The following ANKHD1 variants were observed in gnomAD, a reference collection of about 807,000 sequenced individuals.
ANKHD1 encodes the protein ankyrin repeat and KH domain containing 1.
In ANKHD1, 31 loss-of-function variants were observed where a neutral mutation model predicts 230.5. The observed-to-expected ratio is 0.13, with a 90% CI of 0.10 to 0.18. ANKHD1 has a LOEUF of 0.18. Ranked by LOEUF, ANKHD1 falls within the 10% of genes least tolerant of loss-of-function variation. The pLI is 1.00. For missense variants in ANKHD1, 2,256 were observed against 3,071.3 expected, an observed-to-expected ratio of 0.73 and a Z score of 6.27; for synonymous variants, 1,074 against 1,117.6, an observed-to-expected ratio of 0.96 and a Z score of 0.78.
intron 1 of ANKHD1, 31 bp downstream of exon 1, chr5:140,402,304 A>G: frequency 1.4e-6 from 2 of 1,438,896 alleles, no homozygotes; most frequent in Non-Finnish European, 1.8e-6. Context: ...CCTCCCACAC[A>G]TTGTGAGGCG....
rs138334602 is a variant in ANKHD1, at chr5:140,526,929, C to T, written c.4942C>T (p.Leu1648Phe). The T allele has an allele frequency of 3.1e-6, 5 of 1,608,456 alleles. No homozygotes were observed. The African/African-American group carries it at 5.4e-5, about 17-fold the overall frequency. Residue 1648 changes from leucine to phenylalanine, a missense_variant and splice_region_variant, in exon 27 of 34, where the codon CTT (leucine) becomes TTT (phenylalanine). Leu to Phe is a conservative substitution (Grantham distance 22, BLOSUM62 0). Around this residue, in one of 13 missense-constraint regions of ANKHD1, gnomAD observed 212 missense variants for 257.3 expected, o/e 0.82. Transcript: ENST00000360839. Reference protein sequence around the residue: ...STATSKTQTRLEGEVTPNSLS... With the variant: ...STATSKTQTRFEGEVTPNSLS... ...TACTTGCTATTTGTCTCTTCTTAGA[C>T]TTGAAGGTGAAGTGACTCCTAATTC...
intron 4 of ANKHD1, among the ~76,000 whole-genome samples, chr5:140,440,751 T>G (rs531053406): frequency 6.6e-6 from 1 of 152,334 alleles, no homozygotes; most frequent in East Asian, 1.9e-4. Flanking sequence ...AGCCATCACA[T>G]TTTATAATAG....
At chr5:140,472,267 T>G (rs763778885) in intron 10 of ANKHD1, 7 of 1,613,638 alleles carry the variant, frequency 4.3e-6, no homozygotes, top group Non-Finnish European at 5.9e-6. Flanking sequence ...AAGACTATTT[T>G]GGAGGGCATA....
At position 140,482,571 on chromosome 5, in the gene ANKHD1, C is replaced by CT; in HGVS notation, c.1783-6dup. ...CATTGATGGATTATTTTTTCCATTT[C>CT]TTTAACAGGAACATGAATCTGAAGG... is the stretch of plus-strand genomic sequence containing the variant. On this transcript the variant is annotated splice_polypyrimidine_tract_variant and intron_variant, in intron 10 of 33. Transcript: ENST00000360839. 1 of 1,608,944 alleles carries CT rather than the reference C, an allele frequency of 6.2e-7. No individual in the cohort carries two copies. The highest frequency in any genetic ancestry group is 8.5e-7 in the Non-Finnish European group (1 of 1,178,112).
At chr5:140,533,744 C>G (rs1003798239) in intron 29 of ANKHD1, among the ~76,000 whole-genome samples, 10 of 132,512 alleles carry the variant, frequency 7.5e-5, no homozygotes, top group Non-Finnish European at 1.5e-4. Flanking sequence ...CTGCTGCACT[C>G]TAGCCTGAGT....
At chr5:140,518,505 A>C (rs1396915564) in intron 24 of ANKHD1, among the ~76,000 whole-genome samples, 4 of 150,168 alleles carry the variant, frequency 2.7e-5, no homozygotes, top group Non-Finnish European at 6.0e-5. Context: ...TTTTAGACCA[A>C]TATCCTTGAT....
At chr5:140,503,127 T>C (rs114727286) in intron 15 of ANKHD1, among the ~76,000 whole-genome samples, 2,452 of 152,310 alleles carry the variant, frequency 0.016, 44 homozygotes, top group Non-Finnish European at 0.022. Context: ...AGAGAAAATA[T>C]TTTCCAACAC....
In ANKHD1 at chr5:140,517,802, G is replaced by A. The variant is rs1272946803; in HGVS notation, c.4317+4323G>A. On this transcript the variant is annotated intron_variant, in intron 24 of 33. Transcript: ENST00000360839. ...ACACATTCAAAGCAGTGTGTAGAGG[G>A]AAATTTATAGCACTAAATGCCCACA... 6.2e-5 allele frequency among the ~76,000 whole-genome samples: 9 copies of A among 146,190 alleles called. No homozygotes were observed. In the Admixed American group the frequency reaches 6.2e-4, roughly 10 times the overall value.
chr5:140,538,028 A>T, intron 31 of ANKHD1, 58 bp from the exon 32 acceptor site: 1 of 1,551,012 alleles, frequency 6.4e-7, no homozygotes, highest in South Asian at 1.3e-5. Flanking sequence ...AACAATGGTA[A>T]TGTTTTGTTG....
chr5:140,426,658 C>A (rs1772443052), intron 1 of ANKHD1, among the ~76,000 whole-genome samples: 1 of 152,102 alleles, frequency 6.6e-6, no homozygotes, highest in Non-Finnish European at 1.5e-5. Context: ...GCAGAGGACC[C>A]TGCGGCCTTC....
At position 140,507,063 on chromosome 5, in the gene ANKHD1, A is replaced by C. The variant is rs1752569941; in HGVS notation, c.3551+86A>C. On this transcript the variant is annotated intron_variant, in intron 19 of 33. Coordinates refer to ENST00000360839, the MANE Select transcript of ANKHD1 (RefSeq NM_017747.3). The surrounding 1 kb of genome is among the most constrained non-coding windows in gnomAD (Gnocchi z 4.1). ...TACCTCTTAACGTTTAGACAGATAC[A>C]TTTTAAATTAAGATAGTACTAAAGT... The C allele has an allele frequency of 7.8e-6, 12 of 1,532,370 alleles. No homozygotes were observed. The highest frequency in any genetic ancestry group is 2.1e-5 in the Admixed American group (1 of 46,590). The allele number at this position is 1,532,370 out of a possible 1,614,324, so 94.9% of individuals were successfully genotyped here. A position where few individuals can be genotyped will look rare whatever the true frequency, so the allele number is the denominator to read the frequency against.
chr5:140,425,543 G>A (rs1772339328), intron 1 of ANKHD1, among the ~76,000 whole-genome samples: 1 of 151,324 alleles, frequency 6.6e-6, no homozygotes, highest in Non-Finnish European at 1.5e-5. Context: ...ACAGGCATGA[G>A]CCACTGCCCC....
At position 140,526,943 on chromosome 5, in the gene ANKHD1, G is replaced by T; in HGVS notation, c.4956G>T (p.Val1652=). 1 of 1,610,558 alleles carries T rather than the reference G, an allele frequency of 6.2e-7. No homozygotes were observed. The highest frequency in any genetic ancestry group is 2.2e-5 in the East Asian group (1 of 44,674). ...CTCTTCTTAGACTTGAAGGTGAAGT[G>T]ACTCCTAATTCCTTGTCAACCAGCT... The part of the protein sequence containing the change: ...SKTQTRLEGE[V]TPNSLSTSYK... The change falls in exon 27 of 34, where the codon GTG becomes GTT. Residue 1652 remains valine, a synonymous_variant. Coordinates refer to ENST00000360839, the MANE Select transcript of ANKHD1 (RefSeq NM_017747.3).
intron 10 of ANKHD1, among the ~76,000 whole-genome samples, chr5:140,475,164 T>A (rs1406723434): frequency 6.6e-6 from 1 of 152,166 alleles, no homozygotes; most frequent in Non-Finnish European, 1.5e-5. Context: ...TACAAATGAC[T>A]TCAGTCAAGA....
intron 10 of ANKHD1, among the ~76,000 whole-genome samples, chr5:140,467,201 G>A (rs1009660261): frequency 3.3e-5 from 5 of 151,678 alleles, no homozygotes; most frequent in Non-Finnish European, 5.9e-5. Flanking sequence ...AACCATACTC[G>A]TTCATTAATT....
intron 1 of ANKHD1, among the ~76,000 whole-genome samples, chr5:140,406,021 G>C (rs941232421): frequency 6.6e-6 from 1 of 151,962 alleles, no homozygotes; most frequent in East Asian, 2.0e-4. Flanking sequence ...GGGTGGATCA[G>C]CTGAGGTCAG....
At chr5:140,403,463 G>C (rs529298866) in intron 1 of ANKHD1, among the ~76,000 whole-genome samples, 7 of 150,876 alleles carry the variant, frequency 4.6e-5, no homozygotes, top group Non-Finnish European at 8.9e-5. Context: ...CCAGGCTGGA[G>C]TGCAGTGGCG....
chr5:140,534,395 A>C (rs565420365), intron 29 of ANKHD1, among the ~76,000 whole-genome samples: 8 of 151,834 alleles, frequency 5.3e-5, no homozygotes, highest in Non-Finnish European at 1.2e-4. Context: ...CCGTCTCAAA[A>C]AAAAAAAAAA....
intron 24 of ANKHD1, 45 bp from the exon 25 acceptor site, chr5:140,524,021 C>G: frequency 6.6e-7 from 1 of 1,524,694 alleles, no homozygotes; most frequent in Non-Finnish European, 8.7e-7. Flanking sequence ...CTTTATTTTA[C>G]ATTACTGCCT....
Sources: gnomAD v4.1 joint callset for allele counts (sites outside exome capture counted in the v4.1 genomes callset) on GRCh38, gnomAD v4.1.1 for gene constraint, gnomAD v4.1.1 regional missense constraint, Gnocchi (gnomAD v3.1) non-coding constraint, MANE v1.5 for transcripts, NCBI Gene and HGNC (gene_info 2026-07-23, HGNC 2026-07-21) for gene names.